CYP19A1: variants seen among roughly 807,000 people sequenced by gnomAD.
CYP19A1 encodes cytochrome P450 family 19 subfamily A member 1, also known as aromatase.
CYP19A1 carries 32 observed loss-of-function variants against 44.4 expected under a neutral mutation model. That is an observed-to-expected ratio of 0.72 (90% CI 0.54 to 0.97). The LOEUF is 0.97. Among genes scored for constraint, CYP19A1 ranks in the 50% least tolerant of loss-of-function variants. CYP19A1 has a pLI of 0.00. For missense variants in CYP19A1, 598 were observed against 637.8 expected (o/e 0.94, Z 0.67); for synonymous variants, 212 against 215.6 (o/e 0.98, Z 0.14).
intron 1 of CYP19A1, among the ~76,000 whole-genome samples, chr15:51,272,782 C>T (rs1200887072): frequency 1.3e-5 from 2 of 152,172 alleles, no homozygotes; most frequent in Non-Finnish European, 2.9e-5. Context: ...GAAAAATCCA[C>T]AAGGACCACT....
intron 1 of CYP19A1, among the ~76,000 whole-genome samples, chr15:51,301,119 TC>T (rs978828344): frequency 1.3e-5 from 2 of 152,144 alleles, no homozygotes; most frequent in African/African-American, 4.8e-5. Context: ...CTTGGAATGA[TC>T]AAAGGAAAAC....
Position 51,222,246 on chromosome 15 carries a change from C to T in CYP19A1, c.628+103G>A, listed in dbSNP as rs2032153084. 1.9e-6 allele frequency: 3 copies of T among 1,588,338 alleles called. No individual in the cohort carries two copies. In the East Asian group the frequency reaches 6.8e-5, roughly 36 times the overall value. ...GTACTTAGAAATGTTTAAACAAGAG[C>T]AATGTAGAAAATGGCATGTGATTCC... is the stretch of plus-strand genomic sequence containing the variant. On this transcript the variant is annotated intron_variant, in intron 5 of 9. Coordinates refer to ENST00000396402, the MANE Select transcript of CYP19A1 (RefSeq NM_000103.4).
intron 1 of CYP19A1, among the ~76,000 whole-genome samples, chr15:51,252,314 C>T (rs1311970010): frequency 6.6e-6 from 1 of 152,128 alleles, no homozygotes; most frequent in African/African-American, 2.4e-5. Context: ...CCCTAAAGCC[C>T]AATCCAAAGA....
chr15:51,303,194 G>A (rs531987071), intron 1 of CYP19A1, among the ~76,000 whole-genome samples: 7 of 152,262 alleles, frequency 4.6e-5, no homozygotes, highest in South Asian at 4.1e-4. Flanking sequence ...AGATGTGGAG[G>A]GGTGAAAGAG....
chr15:51,221,156 AAAAAC>A (rs1473953045), intron 5 of CYP19A1, among the ~76,000 whole-genome samples: 1 of 152,214 alleles, frequency 6.6e-6, no homozygotes, highest in Non-Finnish European at 1.5e-5. Context: ...GATAAGAAGT[AAAAAC>A]AAAACAAATT....
chr15:51,267,032 G>A (rs952941622), intron 1 of CYP19A1, among the ~76,000 whole-genome samples: 2 of 152,176 alleles, frequency 1.3e-5, no homozygotes, highest in Non-Finnish European at 2.9e-5. Flanking sequence ...ATCTGAGGTG[G>A]GCAGGAACTT....
In CYP19A1 at chr15:51,215,292, G is replaced by A. The variant is rs2031460402; in HGVS notation, c.859-60C>T. 10 of 1,610,448 alleles carry A rather than the reference G, an allele frequency of 6.2e-6. No homozygotes were observed. The South Asian group carries it at 1.1e-4, about 18-fold the overall frequency. ...GTGAATCAAAGTTTCAAAAAATGAG[G>A]GGAGGTGACACTCAAGGATCAACAA... On this transcript the variant is annotated intron_variant, in intron 7 of 9. Transcript: ENST00000396402.
chr15:51,291,525 A>C (rs1003230117), intron 1 of CYP19A1, among the ~76,000 whole-genome samples: 4 of 152,256 alleles, frequency 2.6e-5, no homozygotes, highest in African/African-American at 9.6e-5. Context: ...TTCAAAGGCC[A>C]CACAGAAAAG....
intron 1 of CYP19A1, among the ~76,000 whole-genome samples, chr15:51,292,647 G>A (rs1022970704): frequency 3.3e-5 from 5 of 152,136 alleles, no homozygotes; most frequent in African/African-American, 9.7e-5. Context: ...TCACTTGCAC[G>A]GGGGCCAAGG....
chr15:51,215,014 T>A, intron 8 of CYP19A1, 56 bp downstream of exon 8: 1 of 1,561,778 alleles, frequency 6.4e-7, no homozygotes, highest in Non-Finnish European at 8.7e-7. Context: ...ACATAAGAAA[T>A]GGACATTCAG....
At chr15:51,304,893 T>A in intron 1 of CYP19A1, among the ~76,000 whole-genome samples, 1 of 130,016 alleles carries the variant, frequency 7.7e-6, no homozygotes, top group Non-Finnish European at 1.5e-5. Flanking sequence ...TCTCTTCCTT[T>A]TTTTTTTTTT....
intron 1 of CYP19A1, among the ~76,000 whole-genome samples, chr15:51,272,816 T>A (rs2140955956): frequency 6.6e-6 from 1 of 152,272 alleles, no homozygotes; most frequent in Non-Finnish European, 1.5e-5. Flanking sequence ...CTGGTTATGA[T>A]TTTTGGTGTG....
chr15:51,278,691 C>G (rs1055060177), intron 1 of CYP19A1, among the ~76,000 whole-genome samples: 1 of 152,178 alleles, frequency 6.6e-6, no homozygotes, highest in Non-Finnish European at 1.5e-5. Context: ...TTGTGTACAC[C>G]TGGGGTTCAG....
chr15:51,275,984 G>A (rs2035295003), intron 1 of CYP19A1, among the ~76,000 whole-genome samples: 1 of 152,122 alleles, frequency 6.6e-6, no homozygotes, highest in Non-Finnish European at 1.5e-5. Flanking sequence ...AGTTTGTCTA[G>A]GACTTTTAGA....
At position 51,210,762 on chromosome 15, in the gene CYP19A1, A is replaced by T. The variant is rs775631469; in HGVS notation, c.*46T>A. 1 of 1,227,304 alleles carries T rather than the reference A, an allele frequency of 8.1e-7. No individual in the cohort carries two copies. The highest frequency in any genetic ancestry group is 1.2e-6 in the Non-Finnish European group (1 of 825,154). 76.0% of individuals were successfully genotyped at this position (1,227,304 alleles called of 1,614,324 possible). A position where few individuals can be genotyped will look rare whatever the true frequency, so the allele number is the denominator to read the frequency against. The stretch of plus-strand genomic sequence containing the variant: ...GGCAAGGATGGATGATTTGTATGTG[A>T]ACTACTGATGAGAAATGCTCCAGAG... On this transcript the variant is annotated 3_prime_UTR_variant, in exon 10 of 10. Coordinates refer to ENST00000396402, the MANE Select transcript of CYP19A1 (RefSeq NM_000103.4).
At chr15:51,326,334 A>G (rs2036608005) in intron 1 of CYP19A1, among the ~76,000 whole-genome samples, 1 of 152,230 alleles carries the variant, frequency 6.6e-6, no homozygotes, top group Admixed American at 6.5e-5. Context: ...AAAGAAAGGA[A>G]GAAAATTGCA....
At chr15:51,295,963 A>G (rs567345360) in intron 1 of CYP19A1, among the ~76,000 whole-genome samples, 4 of 152,218 alleles carry the variant, frequency 2.6e-5, no homozygotes, top group Non-Finnish European at 5.9e-5. Flanking sequence ...GAACACAGAC[A>G]GGTTGAAGAT....
chr15:51,218,496 C>A (rs754609540), intron 6 of CYP19A1, 45 bp downstream of exon 6: 11 of 1,577,366 alleles, frequency 7.0e-6, no homozygotes, highest in South Asian at 5.8e-5. Flanking sequence ...GGGAAAAAAA[C>A]CAATCCAATT....
intron 1 of CYP19A1, among the ~76,000 whole-genome samples, chr15:51,293,238 C>T (rs2035889006): frequency 6.6e-6 from 1 of 152,106 alleles, no homozygotes; most frequent in South Asian, 2.1e-4. Flanking sequence ...CCAAACACCA[C>T]CTGTTCCCCA....
Sources: gnomAD v4.1 joint callset for allele counts (sites outside exome capture counted in the v4.1 genomes callset) on GRCh38, gnomAD v4.1.1 for gene constraint, MANE v1.5 for transcripts, NCBI Gene and HGNC (gene_info 2026-07-23, HGNC 2026-07-21) for gene names.